LRRIQ1: variants seen among roughly 807,000 people sequenced by gnomAD.
LRRIQ1 encodes the protein leucine-rich repeat- and IQ domain-containing protein 1.
LRRIQ1 carries 210 observed loss-of-function variants against 211.9 expected under a neutral mutation model. The observed-to-expected ratio is 0.99, with a 90% CI of 0.89 to 1.11. The LOEUF (loss-of-function observed/expected upper bound fraction) is 1.11, where lower values mean the gene tolerates loss of function less well. LRRIQ1 is among the 50% of genes most tolerant of loss of function. The pLI is 0.00. For synonymous variants in LRRIQ1, 699 were observed against 650.1 expected (o/e 1.08, Z -1.14); for missense variants, 2,136 against 1,939.5 (o/e 1.10, Z -1.90).
intron 24 of LRRIQ1, among the ~76,000 whole-genome samples, chr12:85,205,199 T>G (rs563904475): frequency 6.6e-6 from 1 of 152,314 alleles, no homozygotes; most frequent in South Asian, 2.1e-4. Flanking sequence ...ATTGTGAGGC[T>G]TCCCCAGCCA....
intron 11 of LRRIQ1, among the ~76,000 whole-genome samples, chr12:85,080,062 C>A (rs1884107712): frequency 6.6e-6 from 1 of 151,868 alleles, no homozygotes; most frequent in South Asian, 2.1e-4. Context: ...GTTTTTAATA[C>A]ACACGCGCAC....
At chr12:85,128,556 T>TA (rs1272421050) in intron 18 of LRRIQ1, among the ~76,000 whole-genome samples, 1 of 152,112 alleles carries the variant, frequency 6.6e-6, no homozygotes, top group Non-Finnish European at 1.5e-5. Context: ...GCTATGATCA[T>TA]ACCACTGCAC....
chr12:85,188,522 A>G (rs1386096373), intron 24 of LRRIQ1, among the ~76,000 whole-genome samples: 1 of 152,168 alleles, frequency 6.6e-6, no homozygotes, highest in Non-Finnish European at 1.5e-5. Context: ...TATAGATCCT[A>G]TGAAATAATG....
At chr12:85,185,625 A>T (rs934517065) in intron 24 of LRRIQ1, among the ~76,000 whole-genome samples, 4 of 151,922 alleles carry the variant, frequency 2.6e-5, no homozygotes, top group African/African-American at 9.7e-5. Context: ...AATAAAGTAA[A>T]TTTTCAAGTG....
chr12:85,121,134 T>C (rs1226080096), intron 15 of LRRIQ1, among the ~76,000 whole-genome samples: 18 of 151,936 alleles, frequency 1.2e-4, no homozygotes, highest in African/African-American at 2.4e-4. Context: ...AAAATTGATA[T>C]AGACTTTTGC....
intron 23 of LRRIQ1, among the ~76,000 whole-genome samples, chr12:85,155,803 T>C (rs188566201): frequency 3.3e-4 from 50 of 151,874 alleles, no homozygotes; most frequent in African/African-American, 1.1e-3. Context: ...TAGGTCTTTC[T>C]TGCCAACTCT....
chr12:85,155,518 C>A (rs1386329535), intron 23 of LRRIQ1, among the ~76,000 whole-genome samples: 3 of 151,534 alleles, frequency 2.0e-5, no homozygotes, highest in Non-Finnish European at 3.0e-5. Flanking sequence ...TTCTACCCAT[C>A]TTCAGCAGTA....
chr12:85,255,287 G>A (rs183782911), intron 1 of LRRIQ1, among the ~76,000 whole-genome samples: 18 of 151,786 alleles, frequency 1.2e-4, no homozygotes, highest in African/African-American at 4.3e-4. Context: ...ATTTGTAAGT[G>A]ATGCCATTCT....
intron 24 of LRRIQ1, among the ~76,000 whole-genome samples, chr12:85,223,999 A>G (rs1159139149): frequency 6.7e-6 from 1 of 149,778 alleles, no homozygotes; most frequent in African/African-American, 2.5e-5. Flanking sequence ...GCAATCTCAT[A>G]AAGTATGTAA....
At position 85,124,134 on chromosome 12, in the gene LRRIQ1, A is replaced by T; in HGVS notation, c.3622A>T (p.Ser1208Cys). ...TTATTTTAAGAAATTGATGATACTT[A>T]GTACTGAATACCGACATGCACACGA... ...CHYFKKLMILSTEYRHAHERG... is the reference protein window; with the variant it reads ...CHYFKKLMILCTEYRHAHERG... The change falls in exon 17 of 27, where the codon AGT (serine) becomes TGT (cysteine). Residue 1208 changes from serine (S) to cysteine (C), a missense_variant. Ser to Cys is a moderately radical substitution (Grantham distance 112). Coordinates refer to ENST00000393217, the MANE Select transcript of LRRIQ1 (RefSeq NM_001079910.2). 1 of 1,614,004 alleles carries T rather than the reference A, an allele frequency of 6.2e-7. No individual in the cohort carries two copies. Among genetic ancestry groups the T allele is most frequent in the Non-Finnish European group, 8.5e-7 (1 of 1,179,900 alleles).
At chr12:85,039,825 A>G (rs1033283878) in intron 2 of LRRIQ1, among the ~76,000 whole-genome samples, 1 of 151,648 alleles carries the variant, frequency 6.6e-6, no homozygotes, top group African/African-American at 2.4e-5. Flanking sequence ...CTTCAAGATT[A>G]TTATTAAAGT....
At chr12:85,249,062 G>A (rs1411230770), downstream of LRRIQ1, among the ~76,000 whole-genome samples, 1 of 151,718 alleles carries the variant, frequency 6.6e-6, no homozygotes, top group African/African-American at 2.4e-5. Flanking sequence ...AAGGTATTCT[G>A]AATCTGTTCT....
chr12:85,211,166 G>A (rs1053913016), intron 24 of LRRIQ1, among the ~76,000 whole-genome samples: 4 of 152,058 alleles, frequency 2.6e-5, no homozygotes, highest in African/African-American at 9.7e-5. Flanking sequence ...CCTGAAAATA[G>A]GATAAAATCT....
intron 15 of LRRIQ1, among the ~76,000 whole-genome samples, chr12:85,112,328 A>G (rs1887238240): frequency 6.6e-6 from 1 of 151,744 alleles, no homozygotes; most frequent in South Asian, 2.1e-4. Context: ...CATAGTTTTT[A>G]AAATCAATAT....
At chr12:85,216,612 T>A (rs902383290) in intron 24 of LRRIQ1, among the ~76,000 whole-genome samples, 1 of 151,764 alleles carries the variant, frequency 6.6e-6, no homozygotes, top group Non-Finnish European at 1.5e-5. Context: ...ACAAAATCAT[T>A]GAAAATAGCT....
At chr12:85,070,183 G>T (rs1381030448) in intron 10 of LRRIQ1, among the ~76,000 whole-genome samples, 2 of 151,964 alleles carry the variant, frequency 1.3e-5, no homozygotes, top group African/African-American at 2.4e-5. Flanking sequence ...TTCATAGGTG[G>T]TGTTCTGTGC....
At chr12:85,122,119 G>A (rs1237800919) in intron 16 of LRRIQ1, among the ~76,000 whole-genome samples, 1 of 152,084 alleles carries the variant, frequency 6.6e-6, no homozygotes, top group Admixed American at 6.5e-5. Context: ...ATGAAAGCAT[G>A]TGGATAGCAT....
chr12:85,119,092 T>C (rs1184978218), intron 15 of LRRIQ1, among the ~76,000 whole-genome samples: 1 of 152,128 alleles, frequency 6.6e-6, no homozygotes, highest in Non-Finnish European at 1.5e-5. Context: ...GACAAACGTA[T>C]AATTACATGT....
chr12:85,128,591 C>G (rs1226075550), intron 18 of LRRIQ1, among the ~76,000 whole-genome samples: 2 of 151,956 alleles, frequency 1.3e-5, no homozygotes, highest in African/African-American at 4.8e-5. Context: ...AGAGTGAGAC[C>G]TTGTCTCAAA....
Sources: gnomAD v4.1 joint callset for allele counts (sites outside exome capture counted in the v4.1 genomes callset) on GRCh38, gnomAD v4.1.1 for gene constraint, MANE v1.5 for transcripts, NCBI Gene and HGNC (gene_info 2026-07-23, HGNC 2026-07-21) for gene names.